The following EPG5 variants were observed in gnomAD, a reference collection of about 807,000 sequenced individuals.
EPG5 encodes ectopic P-granules 5 autophagy tethering factor.
EPG5 carries 159 observed loss-of-function variants against 302.7 expected under a neutral mutation model. The observed-to-expected ratio is 0.53, with a 90% CI of 0.46 to 0.60. EPG5 has a LOEUF of 0.60. Ranked by LOEUF, EPG5 falls within the 20% of genes least tolerant of loss-of-function variation. The pLI is 0.00. For synonymous variants in EPG5, 1,158 were observed against 1,136.8 expected (o/e 1.02, Z -0.37); for missense variants, 2,896 against 3,092.4 (o/e 0.94, Z 1.51).
intron 1 of EPG5, among the ~76,000 whole-genome samples, chr18:45,965,223 C>T (rs2051223314): frequency 6.6e-6 from 1 of 152,010 alleles, no homozygotes; most frequent in Admixed American, 6.6e-5. Context: ...ACCACGTTCT[C>T]ACTTATAAGT....
the EPG5 span, chr18:45,839,027 G>T: frequency 6.3e-7 from 1 of 1,575,630 alleles, no homozygotes; most frequent in Non-Finnish European, 8.6e-7. Flanking sequence ...CTCCTGCTCG[G>T]CGCTCTCGGC....
rs770816737 is a variant in EPG5 at position 45,925,701 on chromosome 18, C to T, written c.2718+37G>A. 5.7e-6 allele frequency: 8 copies of T among 1,408,168 alleles called. No homozygotes were observed. The East Asian group carries it at 1.6e-4, about 29-fold the overall frequency. 87.2% of individuals were successfully genotyped at this position (1,408,168 alleles called of 1,614,324 possible). On this transcript the variant is annotated intron_variant, in intron 14 of 43. Coordinates refer to ENST00000282041, the MANE Select transcript of EPG5 (RefSeq NM_020964.3). Reference sequence around the variant, plus strand: ...TCCTTCTTTGAAACAGATGCATGTACAACCTCCAGTCTCCAGGGAATGGTT... The same window carrying T: ...TCCTTCTTTGAAACAGATGCATGTATAACCTCCAGTCTCCAGGGAATGGTT...
chr18:45,868,004 C>A, intron 36 of EPG5: 1 of 540,094 alleles, frequency 1.9e-6, no homozygotes, highest in Non-Finnish European at 3.5e-6. Context: ...CGAGGAATGA[C>A]CTTCCCTAAC....
At position 45,939,628 on chromosome 18, in the gene EPG5, C is replaced by T. The variant is rs2145880722; in HGVS notation, c.2071G>A (p.Ala691Thr). ...QVEFDELFLRAVLHVLKAKRL... is the reference protein window; with the variant it reads ...QVEFDELFLRTVLHVLKAKRL... The stretch of plus-strand genomic sequence containing the variant: ...TTGGCCTTCAGCACATGTAGGACAG[C>T]CCTCAAAAACAGTTCATCAAATTCA... The change falls in exon 10 of 44, where the codon GCT becomes ACT. Residue 691 changes from alanine to threonine, a missense_variant. Physicochemically the swap from Ala to Thr is moderately conservative, Grantham distance 58. Transcript: ENST00000282041. 1 of 1,614,094 alleles carries T rather than the reference C, an allele frequency of 6.2e-7. No homozygotes were observed.
rs376666861 is a variant in EPG5, at chr18:45,860,393, T to C, written c.6767-47A>G. On this transcript the variant is annotated intron_variant, in intron 39 of 43. Coordinates refer to ENST00000282041, the MANE Select transcript of EPG5 (RefSeq NM_020964.3). ...TCAAGAATGGCTGCCAGAAAGGTACTATCCATGTGATCAGGAGAATAACAG... is the reference window on the plus strand; with the variant it reads ...TCAAGAATGGCTGCCAGAAAGGTACCATCCATGTGATCAGGAGAATAACAG... 13 of 1,612,058 alleles carry C rather than the reference T, an allele frequency of 8.1e-6. No homozygotes were observed. The Admixed American group carries it at 8.3e-5, about 10-fold the overall frequency.
At chr18:45,828,285 C>G in the EPG5 span, among the ~76,000 whole-genome samples, 1 of 152,134 alleles carries the variant, frequency 6.6e-6, no homozygotes, top group Non-Finnish European at 1.5e-5. Flanking sequence ...CCAGAAAGGC[C>G]CCTTCTACTT....
intron 35 of EPG5, among the ~76,000 whole-genome samples, chr18:45,874,642 C>G (rs747891069): frequency 6.6e-6 from 1 of 152,148 alleles, no homozygotes; most frequent in Non-Finnish European, 1.5e-5. Context: ...ACCAGGAGAA[C>G]AGTATGAGGG....
Position 45,946,728 on chromosome 18 carries a change from G to T in EPG5, c.1612C>A (p.Arg538=). The change falls in exon 7 of 44, where the codon CGG becomes AGG. Residue 538 remains arginine (R), a synonymous_variant. Coordinates refer to ENST00000282041, the MANE Select transcript of EPG5 (RefSeq NM_020964.3). The part of the protein sequence containing the change: ...EFMCHMKPSE[R]KPSSSGPGSG... ...CCAGGCCCTGAGGAGGATGGCTTCC[G>T]CTCGCTGGGCTTCATGTGGCACATA... The T allele has an allele frequency of 6.2e-7, 1 of 1,614,164 alleles. No homozygotes were observed.
At chr18:45,875,969 A>C (rs1304036182) in intron 35 of EPG5, among the ~76,000 whole-genome samples, 1 of 151,840 alleles carries the variant, frequency 6.6e-6, no homozygotes, top group Admixed American at 6.6e-5. Context: ...AGGCAGGAGA[A>C]TTGCTTGAAT....
chr18:45,867,505 AG>A, intron 37 of EPG5, 57 bp downstream of exon 37: 1 of 1,404,668 alleles, frequency 7.1e-7, no homozygotes, highest in Non-Finnish European at 1.0e-6. Context: ...ACGACCTAGT[AG>A]AAAGCAAAGA....
In EPG5 at chr18:45,860,116, A is replaced by G; in HGVS notation, c.6997T>C (p.Tyr2333His). Residue 2333 changes from tyrosine to histidine, a missense_variant, in exon 40 of 44, where the codon TAC (tyrosine) becomes CAC (histidine). Tyr to His is a moderately conservative substitution (Grantham distance 83). Coordinates refer to ENST00000282041, the MANE Select transcript of EPG5 (RefSeq NM_020964.3). ...AETTEACITA[Y>H]FKESPLNQNS... Reference sequence around the variant, plus strand: ...GACCTCCTCTTACTTTCTTTGAAGTAGGCAGTGATGCAGGCTTCTGTAGTC... The same window carrying G: ...GACCTCCTCTTACTTTCTTTGAAGTGGGCAGTGATGCAGGCTTCTGTAGTC... 6 of 1,614,242 alleles carry G rather than the reference A, an allele frequency of 3.7e-6. No homozygotes were observed. The highest frequency in any genetic ancestry group is 1.1e-5 in the South Asian group (1 of 91,084).
chr18:45,934,345 G>A (rs1047342501), intron 11 of EPG5, among the ~76,000 whole-genome samples: 10 of 151,838 alleles, frequency 6.6e-5, no homozygotes, highest in South Asian at 2.1e-4. Flanking sequence ...GTGGTATGAC[G>A]CAAAAACTTA....
the EPG5 span, among the ~76,000 whole-genome samples, chr18:45,801,455 G>A: frequency 4.5e-4 from 69 of 152,268 alleles, no homozygotes; most frequent in Non-Finnish European, 9.0e-4. Context: ...AACATTTGAT[G>A]GAGGGTGCTG....
chr18:45,939,686 G>A lies in EPG5; in HGVS notation c.2013C>T (p.Ala671=), dbSNP rs536068618. Residue 671 remains alanine (A), a synonymous_variant, in exon 10 of 44, where the codon GCC becomes GCT. Transcript: ENST00000282041. The part of the protein sequence containing the change: ...YVSHNQGSGL[A]QQPYSMEKLQ... ...GTTTCTCCATAGAGTAGGGCTGTTG[G>A]GCCAATCCTGAGCCTTGGTTATGGC... 36 of 1,614,000 alleles carry A rather than the reference G, an allele frequency of 2.2e-5. No homozygotes were observed. In the African/African-American group the frequency reaches 4.7e-4, roughly 21 times the overall value.
At chr18:45,854,162 A>C (rs2048468249) in intron 43 of EPG5, among the ~76,000 whole-genome samples, 1 of 152,192 alleles carries the variant, frequency 6.6e-6, no homozygotes. Context: ...TGCCCTCAGG[A>C]TATTCATCTG....
Position 45,912,304 on chromosome 18 carries a change from C to T in EPG5, c.3969G>A (p.Pro1323=), listed in dbSNP as rs373218143. ...GGGCAGCATACCCATACTGTGGTCCCGGACGGTGAAGATACAGAAGGAAGA... is the reference window on the plus strand; with the variant it reads ...GGGCAGCATACCCATACTGTGGTCCTGGACGGTGAAGATACAGAAGGAAGA... The part of the protein sequence containing the change: ...QKFFLLYLHR[P]GPQYGLPIDG... Residue 1323 remains proline, a synonymous_variant, in exon 22 of 44, where the codon CCG becomes CCA. Coordinates refer to ENST00000282041, the MANE Select transcript of EPG5 (RefSeq NM_020964.3). 14 of 1,599,450 alleles carry T rather than the reference C, an allele frequency of 8.8e-6. No individual in the cohort carries two copies. The highest frequency in any genetic ancestry group is 1.7e-4 in the Middle Eastern group (1 of 5,996).
chr18:45,965,303 A>G lies in EPG5; in HGVS notation c.63+1874T>C, dbSNP rs146322168. On this transcript the variant is annotated intron_variant, in intron 1 of 43. Coordinates refer to ENST00000282041, the MANE Select transcript of EPG5 (RefSeq NM_020964.3). ...TAGACACCAGGGCCTACTTGAGGGC[A>G]GAAGGTGGGAAGAAGGGAAGGATAA... Among the ~76,000 whole-genome samples the G allele has an allele frequency of 7.0e-3, 1,064 of 152,316 alleles. 11 individuals carry two copies. Among genetic ancestry groups the G allele is most frequent in the African/African-American group, 0.024 (1,000 of 41,570 alleles).
chr18:45,822,674 G>A, the EPG5 span, among the ~76,000 whole-genome samples: 1 of 152,148 alleles, frequency 6.6e-6, no homozygotes, highest in East Asian at 1.9e-4. Context: ...GAACAAATAT[G>A]TGTTGATTAA....
chr18:45,948,646 A>G, intron 5 of EPG5, 70 bp from the exon 6 acceptor site: 5 of 1,279,228 alleles, frequency 3.9e-6, no homozygotes, highest in Non-Finnish European at 5.6e-6. Flanking sequence ...CTTGGTTCAC[A>G]AGCATTCTGA....
Sources: gnomAD v4.1 joint callset for allele counts (sites outside exome capture counted in the v4.1 genomes callset) on GRCh38, gnomAD v4.1.1 for gene constraint, MANE v1.5 for transcripts, NCBI Gene and HGNC (gene_info 2026-07-23, HGNC 2026-07-21) for gene names.